The following ADAMTS3 variants were observed in gnomAD, a reference collection of about 807,000 sequenced individuals.
ADAMTS3 encodes the protein A disintegrin and metalloproteinase with thrombospondin motifs 3.
A neutral mutation model predicts 129.0 loss-of-function variants in ADAMTS3; 73 were observed. That is an observed-to-expected ratio of 0.57 (90% CI 0.47 to 0.69). The LOEUF (loss-of-function observed/expected upper bound fraction) is 0.69, where lower values mean the gene tolerates loss of function less well. Ranked by LOEUF, ADAMTS3 falls within the 30% of genes least tolerant of loss-of-function variation. The pLI is 0.00. For synonymous variants in ADAMTS3, 477 were observed against 510.8 expected, an observed-to-expected ratio of 0.93 and a Z score of 0.89; for missense variants, 1,457 against 1,514.5, an observed-to-expected ratio of 0.96 and a Z score of 0.63.
chr4:72,479,420 C>G (rs1578719203), intron 3 of ADAMTS3, among the ~76,000 whole-genome samples: 1 of 152,206 alleles, frequency 6.6e-6, no homozygotes, highest in South Asian at 2.1e-4. Flanking sequence ...CTTTGACAAA[C>G]CTGACAAAAA....
At chr4:72,513,184 T>G (rs1720362723) in intron 3 of ADAMTS3, among the ~76,000 whole-genome samples, 1 of 152,218 alleles carries the variant, frequency 6.6e-6, no homozygotes, top group Admixed American at 6.5e-5. Flanking sequence ...TCACATGCAA[T>G]GTGTCTTAGA....
At chr4:72,371,042 G>A (rs1241815110) in intron 4 of ADAMTS3, among the ~76,000 whole-genome samples, 1 of 152,082 alleles carries the variant, frequency 6.6e-6, no homozygotes, top group Non-Finnish European at 1.5e-5. Flanking sequence ...GAGAGAGGCA[G>A]AGACCAGAGT....
At chr4:72,519,619 G>A (rs942604110) in intron 3 of ADAMTS3, among the ~76,000 whole-genome samples, 6 of 152,096 alleles carry the variant, frequency 3.9e-5, no homozygotes, top group African/African-American at 1.4e-4. Flanking sequence ...CTTTCTTCCA[G>A]TTGATTGCAT....
In ADAMTS3 at chr4:72,320,720, T is replaced by C; in HGVS notation, c.1096A>G (p.Met366Val). 2 of 1,613,380 alleles carry C rather than the reference T, an allele frequency of 1.2e-6. No individual in the cohort carries two copies. Among genetic ancestry groups the C allele is most frequent in the African/African-American group, 1.3e-5 (1 of 75,006 alleles). The change falls in exon 7 of 22, where the codon ATG (methionine) becomes GTG (valine). Residue 366 changes from methionine to valine, a missense_variant. Transcript: ENST00000286657. ...LTRQDFGPAG[M>V]QGYAPVTGMC... ...TACATATTGACAGCAATACCTTGCA[T>C]TCCAGCAGGTCCAAAGTCTTGCCTG...
chr4:72,475,211 G>T (rs1189241901), intron 3 of ADAMTS3, among the ~76,000 whole-genome samples: 1 of 151,686 alleles, frequency 6.6e-6, no homozygotes, highest in African/African-American at 2.4e-5. Flanking sequence ...AACATTAAAA[G>T]ACAGAGATTG....
chr4:72,404,684 G>C (rs1722007521), intron 4 of ADAMTS3, among the ~76,000 whole-genome samples: 1 of 151,878 alleles, frequency 6.6e-6, no homozygotes, highest in East Asian at 1.9e-4. Context: ...CTTCTACACA[G>C]CAAAGGAAAA....
intron 3 of ADAMTS3, among the ~76,000 whole-genome samples, chr4:72,502,075 G>C (rs1720041176): frequency 6.6e-6 from 1 of 151,944 alleles, no homozygotes; most frequent in Non-Finnish European, 1.5e-5. Flanking sequence ...CTATAGTTTT[G>C]TTTCTTTGTT....
intron 3 of ADAMTS3, among the ~76,000 whole-genome samples, chr4:72,532,551 T>C (rs1193978911): frequency 1.3e-5 from 2 of 151,856 alleles, no homozygotes; most frequent in Non-Finnish European, 2.9e-5. Context: ...ATCTTTACAC[T>C]AGTTAATTAT....
intron 3 of ADAMTS3, among the ~76,000 whole-genome samples, chr4:72,533,679 G>GTATA (rs1721112097): frequency 3.3e-5 from 1 of 29,938 alleles, no homozygotes; most frequent in African/African-American, 1.9e-4. Context: ...GCACATATAT[G>GTATA]CACACATGTA....
intron 2 of ADAMTS3, among the ~76,000 whole-genome samples, chr4:72,552,493 G>GT (rs1282324476): frequency 6.6e-6 from 1 of 152,266 alleles, no homozygotes; most frequent in East Asian, 1.9e-4. Flanking sequence ...TTTGTGGGCC[G>GT]TAAGTTCCAC....
rs770188706 is a variant in ADAMTS3 at position 72,339,691 on chromosome 4, A to G, written c.664T>C (p.Ser222Pro). ...DMSKDFHYRE[S>P]DLEGLDDLGT... is the part of the protein sequence containing the mutation. ...AGATCATCAAGGCCTTCCAGGTCCG[A>G]CTCTAATAAGAGACAAAAGGAACCA... Residue 222 changes from serine to proline, a missense_variant and splice_region_variant, in exon 5 of 22, where the codon TCG becomes CCG. Coordinates refer to ENST00000286657, the MANE Select transcript of ADAMTS3 (RefSeq NM_014243.3). The G allele has an allele frequency of 6.2e-7, 1 of 1,613,364 alleles. No homozygotes were observed. Among genetic ancestry groups the G allele is most frequent in the Non-Finnish European group, 8.5e-7 (1 of 1,179,662 alleles).
intron 3 of ADAMTS3, among the ~76,000 whole-genome samples, chr4:72,459,177 T>C (rs1457469979): frequency 6.6e-6 from 1 of 151,540 alleles, no homozygotes; most frequent in Non-Finnish European, 1.5e-5. Flanking sequence ...GAGGACTCTG[T>C]TTACAAAAGA....
intron 3 of ADAMTS3, among the ~76,000 whole-genome samples, chr4:72,499,647 T>A (rs2110022432): frequency 1.3e-5 from 2 of 152,254 alleles, no homozygotes; most frequent in South Asian, 2.1e-4. Context: ...TTATTTTAGA[T>A]TCGGGAGTAC....
chr4:72,467,599 T>C (rs1461687702), intron 3 of ADAMTS3, among the ~76,000 whole-genome samples: 1 of 152,062 alleles, frequency 6.6e-6, no homozygotes, highest in Admixed American at 6.6e-5. Context: ...TTGTCCCATG[T>C]TATTTCTTCT....
At chr4:72,344,686 C>A (rs1176858263) in intron 4 of ADAMTS3, among the ~76,000 whole-genome samples, 1 of 151,992 alleles carries the variant, frequency 6.6e-6, no homozygotes, top group Non-Finnish European at 1.5e-5. Context: ...GGTGCACACC[C>A]CTTTGGCCCT....
chr4:72,424,859 A>T (rs560003495), intron 3 of ADAMTS3, among the ~76,000 whole-genome samples: 43 of 152,186 alleles, frequency 2.8e-4, no homozygotes, highest in African/African-American at 9.6e-4. Context: ...TGTGCCATAA[A>T]TCCTTGGATA....
chr4:72,333,843 G>T, intron 5 of ADAMTS3, among the ~76,000 whole-genome samples: 1 of 70,794 alleles, frequency 1.4e-5, no homozygotes, highest in Admixed American at 2.1e-4. Context: ...TTGTTTGTTT[G>T]CTTGCTTTTT....
intron 4 of ADAMTS3, among the ~76,000 whole-genome samples, chr4:72,341,648 G>C (rs1159282139): frequency 6.6e-6 from 1 of 152,156 alleles, no homozygotes; most frequent in Non-Finnish European, 1.5e-5. Flanking sequence ...TACCAGCAAT[G>C]TTATTATATC....
At chr4:72,462,176 G>T (rs1718787316) in intron 3 of ADAMTS3, among the ~76,000 whole-genome samples, 1 of 151,850 alleles carries the variant, frequency 6.6e-6, no homozygotes, top group African/African-American at 2.4e-5. Context: ...CTGGGTGAGG[G>T]CTTGGTGTAT....
Sources: gnomAD v4.1 joint callset for allele counts (sites outside exome capture counted in the v4.1 genomes callset) on GRCh38, gnomAD v4.1.1 for gene constraint, MANE v1.5 for transcripts, NCBI Gene and HGNC (gene_info 2026-07-23, HGNC 2026-07-21) for gene names.